The following ARHGAP15 variants were observed in gnomAD, a reference collection of about 807,000 sequenced individuals.
ARHGAP15 encodes Rho GTPase activating protein 15.
Under a neutral mutation model 63.7 loss-of-function variants are expected in ARHGAP15, and 51 were observed. The ratio of observed to expected loss-of-function variants is 0.80; its 90% CI spans 0.64 to 1.01. The LOEUF is 1.01. Among genes scored for constraint, ARHGAP15 ranks in the 50% least tolerant of loss-of-function variants. The probability of loss-of-function intolerance (pLI) is 0.00; values close to 1 mark genes in which losing one functional copy is unlikely to be tolerated. For missense variants in ARHGAP15, 560 were observed against 564.6 expected, an observed-to-expected ratio of 0.99 and a Z score of 0.08; for synonymous variants, 191 against 193.8, an observed-to-expected ratio of 0.99 and a Z score of 0.12.
intron 10 of ARHGAP15, among the ~76,000 whole-genome samples, chr2:143,539,681 T>G (rs1394553517): frequency 6.6e-6 from 1 of 152,166 alleles, no homozygotes; most frequent in African/African-American, 2.4e-5. Context: ...TCCATGTAGT[T>G]GAGCAGTTTT....
intron 8 of ARHGAP15, among the ~76,000 whole-genome samples, chr2:143,456,515 TAATC>T (rs962387715): frequency 3.9e-5 from 6 of 152,084 alleles, no homozygotes; most frequent in Non-Finnish European, 7.4e-5. Flanking sequence ...AAAAAAATTG[TAATC>T]AATCTATATA....
intron 10 of ARHGAP15, among the ~76,000 whole-genome samples, chr2:143,543,437 T>C (rs957085774): frequency 3.9e-5 from 6 of 152,136 alleles, no homozygotes; most frequent in African/African-American, 1.2e-4. Context: ...GAGTACCTTA[T>C]ACATTCTGAT....
chr2:143,194,591 A>G (rs1293023529), intron 2 of ARHGAP15, among the ~76,000 whole-genome samples: 1 of 152,174 alleles, frequency 6.6e-6, no homozygotes, highest in Admixed American at 6.6e-5. Context: ...AAATTATATT[A>G]CTTAGGCATC....
chr2:143,560,836 C>T (rs914192873), intron 11 of ARHGAP15, among the ~76,000 whole-genome samples: 8 of 152,286 alleles, frequency 5.3e-5, no homozygotes, highest in African/African-American at 1.9e-4. Flanking sequence ...GGAAAGGGAT[C>T]GAGGATTCTC....
At chr2:143,600,748 T>C (rs1559073490) in intron 11 of ARHGAP15, among the ~76,000 whole-genome samples, 2 of 152,188 alleles carry the variant, frequency 1.3e-5, no homozygotes, top group African/African-American at 4.8e-5. Flanking sequence ...TTGTCTACGA[T>C]GGTACCGGCT....
In ARHGAP15 at chr2:143,435,591, T is replaced by TC; in HGVS notation, c.475-10_475-9insC. The stretch of plus-strand genomic sequence containing the variant: ...CTGTCTATTTCTTTTTCTTTTTTTT[T>TC]TTTTTGCAGATCACAACAGTATCAG... On this transcript the variant is annotated splice_polypyrimidine_tract_variant and intron_variant, in intron 6 of 13. Transcript: ENST00000295095. 6.6e-7 allele frequency: 1 copy of TC among 1,526,494 alleles called. No homozygotes were observed. The highest frequency in any genetic ancestry group is 8.7e-7 in the Non-Finnish European group (1 of 1,151,424). The allele number at this position is 1,526,494 out of a possible 1,614,324, so 94.6% of individuals were successfully genotyped here. A position where few individuals can be genotyped will look rare whatever the true frequency, so the allele number is the denominator to read the frequency against.
At position 143,246,814 on chromosome 2, in the gene ARHGAP15, C is replaced by A. The variant is rs143689230; in HGVS notation, c.385-3697C>A. 3.9e-5 allele frequency among the ~76,000 whole-genome samples: 6 copies of A among 152,230 alleles called. No homozygotes were observed. The East Asian group carries it at 1.2e-3, about 29-fold the overall frequency. Reference sequence around the variant, plus strand: ...ATCAGAAACACACGGATAAGAAAATCTCCAGAAATGGAATCTGTCAGATGA... The same window carrying A: ...ATCAGAAACACACGGATAAGAAAATATCCAGAAATGGAATCTGTCAGATGA... On this transcript the variant is annotated intron_variant, in intron 5 of 13. Transcript: ENST00000295095.
At chr2:143,598,729 A>G (rs1296193970) in intron 11 of ARHGAP15, among the ~76,000 whole-genome samples, 1 of 151,982 alleles carries the variant, frequency 6.6e-6, no homozygotes, top group Non-Finnish European at 1.5e-5. Context: ...AGCAAAGCAA[A>G]ACCCCCATCT....
chr2:143,710,610 T>C (rs1055748312), intron 13 of ARHGAP15, among the ~76,000 whole-genome samples: 16 of 152,280 alleles, frequency 1.1e-4, no homozygotes, highest in African/African-American at 2.4e-4. Flanking sequence ...CACTGAAAAA[T>C]AGGAAACAAC....
chr2:143,556,288 C>A (rs1013994632), intron 10 of ARHGAP15, 120 bp from the exon 11 acceptor site: 2 of 691,798 alleles, frequency 2.9e-6, no homozygotes, highest in African/African-American at 1.8e-5. Context: ...ATTTAGAACA[C>A]ACAAATTGGT....
intron 12 of ARHGAP15, among the ~76,000 whole-genome samples, chr2:143,637,630 A>C (rs555181043): frequency 2.0e-5 from 3 of 152,236 alleles, no homozygotes; most frequent in Non-Finnish European, 4.4e-5. Flanking sequence ...ACGTCCTCAA[A>C]TACATTCAAA....
chr2:143,327,810 G>T (rs528787108), intron 6 of ARHGAP15, among the ~76,000 whole-genome samples: 1 of 152,038 alleles, frequency 6.6e-6, no homozygotes, highest in Non-Finnish European at 1.5e-5. Context: ...TCAGAGTGAA[G>T]AGGCAAACTA....
intron 6 of ARHGAP15, among the ~76,000 whole-genome samples, chr2:143,344,539 C>T (rs1194321461): frequency 6.6e-6 from 1 of 151,994 alleles, no homozygotes; most frequent in African/African-American, 2.4e-5. Flanking sequence ...TCAGCTTTGG[C>T]ACCATGTGAA....
chr2:143,307,812 C>CT (rs1683245622), intron 6 of ARHGAP15, among the ~76,000 whole-genome samples: 2 of 152,066 alleles, frequency 1.3e-5, no homozygotes, highest in South Asian at 4.1e-4. Flanking sequence ...GAAATATTTT[C>CT]TTTTTTCTAC....
intron 2 of ARHGAP15, among the ~76,000 whole-genome samples, chr2:143,171,251 C>T (rs1690769588): frequency 1.3e-5 from 2 of 152,120 alleles, no homozygotes; most frequent in African/African-American, 2.4e-5. Context: ...TACTGCCTGC[C>T]TTGTGGTTCA....
chr2:143,326,363 C>T (rs1684249832), intron 6 of ARHGAP15, among the ~76,000 whole-genome samples: 1 of 152,108 alleles, frequency 6.6e-6, no homozygotes, highest in African/African-American at 2.4e-5. Flanking sequence ...AATGGAAGTT[C>T]AGAGAGTTCA....
At chr2:143,567,960 T>C (rs1696295953) in intron 11 of ARHGAP15, among the ~76,000 whole-genome samples, 4 of 152,192 alleles carry the variant, frequency 2.6e-5, no homozygotes, top group Admixed American at 2.6e-4. Flanking sequence ...GAAAACTGGC[T>C]AGTCATATGT....
intron 11 of ARHGAP15, among the ~76,000 whole-genome samples, chr2:143,620,381 GT>G (rs1229091459): frequency 6.6e-6 from 1 of 152,010 alleles, no homozygotes; most frequent in Non-Finnish European, 1.5e-5. Flanking sequence ...TTACCAATTT[GT>G]TTTGTATCTG....
chr2:143,412,648 C>T (rs969945210), intron 6 of ARHGAP15, among the ~76,000 whole-genome samples: 13 of 152,008 alleles, frequency 8.6e-5, no homozygotes, highest in South Asian at 2.1e-4. Flanking sequence ...ATAGCTAGGA[C>T]GGATTTTTTA....
Sources: allele counts gnomAD v4.1 joint callset (sites outside exome capture counted in the v4.1 genomes callset), GRCh38; gene constraint gnomAD v4.1.1; transcripts MANE v1.5; gene names NCBI Gene and HGNC (gene_info 2026-07-23, HGNC 2026-07-21).